SLC26A7: variants seen among roughly 807,000 people sequenced by gnomAD.
SLC26A7 encodes the protein solute carrier family 26 member 7, also known as anion exchange transporter.
SLC26A7 carries 59 observed loss-of-function variants against 82.5 expected under a neutral mutation model. The observed-to-expected ratio is 0.72, with a 90% CI of 0.58 to 0.89. The LOEUF (loss-of-function observed/expected upper bound fraction) is 0.89. Among genes scored for constraint, SLC26A7 ranks in the 40% least tolerant of loss-of-function variants. The pLI is 0.00. For missense variants in SLC26A7, 820 were observed against 793.0 expected, an observed-to-expected ratio of 1.03 and a Z score of -0.41; for synonymous variants, 271 against 274.3, an observed-to-expected ratio of 0.99 and a Z score of 0.12.
intron 15 of SLC26A7, among the ~76,000 whole-genome samples, chr8:91,380,801 A>G (rs546509304): frequency 3.0e-4 from 46 of 152,282 alleles, no homozygotes; most frequent in Non-Finnish European, 1.5e-5. Context: ...ATCCTGAAGA[A>G]ATGATAATTT....
At chr8:91,211,212 T>C (rs1809910033) in intron 1 of SLC26A7, among the ~76,000 whole-genome samples, 1 of 151,976 alleles carries the variant, frequency 6.6e-6, no homozygotes, top group South Asian at 2.1e-4. Flanking sequence ...TAAAGGAAAA[T>C]TGTTTTGCTT....
intron 15 of SLC26A7, among the ~76,000 whole-genome samples, chr8:91,380,116 T>C (rs750477792): frequency 3.3e-5 from 5 of 152,124 alleles, no homozygotes; most frequent in Non-Finnish European, 7.4e-5. Flanking sequence ...TGTATGATAT[T>C]GGTCAAAATG....
intron 2 of SLC26A7, among the ~76,000 whole-genome samples, chr8:91,251,007 A>G (rs1281339177): frequency 6.6e-6 from 1 of 151,594 alleles, no homozygotes; most frequent in Non-Finnish European, 1.5e-5. Flanking sequence ...TAAATTCCAA[A>G]TGAAACAATA....
At chr8:91,260,192 A>G (rs1277577869) in intron 2 of SLC26A7, among the ~76,000 whole-genome samples, 1 of 152,088 alleles carries the variant, frequency 6.6e-6, no homozygotes, top group Non-Finnish European at 1.5e-5. Flanking sequence ...CAGAAAACTT[A>G]TAGTCATGGC....
At chr8:91,276,105 C>T (rs1811399250) in intron 2 of SLC26A7, among the ~76,000 whole-genome samples, 1 of 152,158 alleles carries the variant, frequency 6.6e-6, no homozygotes, top group Non-Finnish European at 1.5e-5. Flanking sequence ...TATCATCCCA[C>T]ATGCATGGTG....
rs1446928630 is a variant in SLC26A7, at chr8:91,396,846, T to G, written c.*1749T>G. The G allele has an allele frequency of 2.0e-5, 3 of 152,054 alleles. No individual in the cohort carries two copies. Among genetic ancestry groups the G allele is most frequent in the Admixed American group, 6.6e-5 (1 of 15,264 alleles). 9.4% of individuals were successfully genotyped at this position (152,054 alleles called of 1,614,324 possible). On this transcript the variant is annotated 3_prime_UTR_variant, in exon 19 of 19. Transcript: ENST00000276609. ...GATGGTAATATTCACCATCTCTAAT[T>G]CATTGGTCACTGGTAGGTAAGCATG...
chr8:91,215,276 A>G (rs147765149), intron 1 of SLC26A7, among the ~76,000 whole-genome samples: 455 of 152,264 alleles, frequency 3.0e-3, no homozygotes, highest in African/African-American at 0.011. Context: ...ACAGGAAACC[A>G]TCTTATGCTC....
chr8:91,234,902 C>CTG (rs1373279747), intron 2 of SLC26A7, among the ~76,000 whole-genome samples: 1 of 148,008 alleles, frequency 6.8e-6, no homozygotes, highest in African/African-American at 2.5e-5. Context: ...CTCTCTCTCT[C>CTG]TCTCTGTTTC....
intron 2 of SLC26A7, among the ~76,000 whole-genome samples, chr8:91,240,660 A>G (rs1810461681): frequency 6.6e-6 from 1 of 152,162 alleles, no homozygotes; most frequent in Admixed American, 6.5e-5. Flanking sequence ...ATTTCTGAAT[A>G]TTATTATGTG....
chr8:91,243,940 TATATC>T (rs1810508197), intron 2 of SLC26A7, among the ~76,000 whole-genome samples: 2 of 152,126 alleles, frequency 1.3e-5, no homozygotes, highest in Admixed American at 6.6e-5. Flanking sequence ...AAGATGAAAA[TATATC>T]ATATTATGAA....
At chr8:91,326,871 A>T (rs542966622) in intron 5 of SLC26A7, among the ~76,000 whole-genome samples, 1 of 152,248 alleles carries the variant, frequency 6.6e-6, no homozygotes, top group East Asian at 1.9e-4. Flanking sequence ...GGCTCCTGGC[A>T]TTCCTTGGCT....
chr8:91,374,244 A>C (rs1420342173), intron 15 of SLC26A7, among the ~76,000 whole-genome samples: 1 of 140,546 alleles, frequency 7.1e-6, no homozygotes, highest in Non-Finnish European at 1.6e-5. Flanking sequence ...CATTTTTGTT[A>C]TTTCTTTTCA....
At chr8:91,337,407 A>G (rs1813273034) in intron 6 of SLC26A7, among the ~76,000 whole-genome samples, 1 of 152,188 alleles carries the variant, frequency 6.6e-6, no homozygotes, top group Admixed American at 6.6e-5. Flanking sequence ...TGAAATTTTT[A>G]ATATCTATTA....
intron 2 of SLC26A7, among the ~76,000 whole-genome samples, chr8:91,244,258 T>C (rs1414001674): frequency 1.3e-5 from 2 of 152,172 alleles, no homozygotes; most frequent in Non-Finnish European, 2.9e-5. Context: ...CTTTTATTAA[T>C]CCTCAATTAA....
At chr8:91,229,970 C>T (rs1201478474) in intron 2 of SLC26A7, among the ~76,000 whole-genome samples, 1 of 152,176 alleles carries the variant, frequency 6.6e-6, no homozygotes, top group Non-Finnish European at 1.5e-5. Context: ...GCCCCTTCAC[C>T]CCCGGCAAAC....
chr8:91,303,671 G>A (rs1047399271), intron 4 of SLC26A7, among the ~76,000 whole-genome samples: 2 of 152,156 alleles, frequency 1.3e-5, no homozygotes, highest in Admixed American at 1.3e-4. Flanking sequence ...CTTCAAGGAT[G>A]ATAAAAAGAC....
intron 15 of SLC26A7, among the ~76,000 whole-genome samples, chr8:91,371,620 A>G (rs1473302554): frequency 6.6e-6 from 1 of 151,884 alleles, no homozygotes; most frequent in Non-Finnish European, 1.5e-5. Flanking sequence ...TATATAGTAC[A>G]TTTTCTTTAT....
chr8:91,293,819 G>T (rs770082129), intron 3 of SLC26A7, among the ~76,000 whole-genome samples: 49 of 152,136 alleles, frequency 3.2e-4, no homozygotes, highest in Non-Finnish European at 5.7e-4. Flanking sequence ...GACACCAAAA[G>T]ACAAACCTCT....
intron 11 of SLC26A7, among the ~76,000 whole-genome samples, chr8:91,356,320 G>C (rs997300034): frequency 1.3e-5 from 2 of 152,098 alleles, no homozygotes; most frequent in Non-Finnish European, 2.9e-5. Flanking sequence ...TTCCACAATG[G>C]TTGAACTAGT....
Sources: gnomAD v4.1 joint callset for allele counts (sites outside exome capture counted in the v4.1 genomes callset) on GRCh38, gnomAD v4.1.1 for gene constraint, MANE v1.5 for transcripts, NCBI Gene and HGNC (gene_info 2026-07-23, HGNC 2026-07-21) for gene names.